Variants in ATP2A2 observed in about 807,000 individuals in gnomAD.
The protein encoded by ATP2A2 is ATPase sarcoplasmic/endoplasmic reticulum Ca2+ transporting 2.
A neutral mutation model predicts 109.3 loss-of-function variants in ATP2A2; 14 were observed. The ratio of observed to expected loss-of-function variants is 0.13; its 90% confidence interval spans 0.08 to 0.20. The LOEUF is 0.20. Among genes scored for constraint, ATP2A2 ranks in the 10% least tolerant of loss-of-function variants. The pLI is 1.00. For synonymous variants in ATP2A2, 506 were observed against 490.9 expected, an observed-to-expected ratio of 1.03 and a Z score of -0.41; for missense variants, 657 against 1,321.6, an observed-to-expected ratio of 0.50 and a Z score of 7.80.
Position 110,339,283 on chromosome 12 carries a change from C to T in ATP2A2, c.1422C>T (p.Val474=). The part of the protein sequence containing the change: ...KIERANACNS[V]IKQLMKKEFT... The stretch of plus-strand genomic sequence containing the variant: ...ATCCATATTTGTTCCCTTTGTAGGT[C>T]ATTAAACAGCTGATGAAAAAGGAAT... Residue 474 remains valine (V), a splice_region_variant and synonymous_variant, in exon 12 of 20, where the codon GTC becomes GTT. Transcript: ENST00000539276. This position sits in a 1 kb window ranked among gnomAD's most constrained non-coding sequence, Gnocchi z 4.4. The T allele has an allele frequency of 6.2e-7, 1 of 1,613,866 alleles. No individual in the cohort carries two copies. The highest frequency in any genetic ancestry group is 8.5e-7 in the Non-Finnish European group (1 of 1,180,012).
chr12:110,282,168 C>T (rs1052582167), intron 1 of ATP2A2, among the ~76,000 whole-genome samples: 1 of 152,192 alleles, frequency 6.6e-6, no homozygotes, highest in Non-Finnish European at 1.5e-5. Context: ...CAGCCGGCCC[C>T]GGTGGAGGGA....
rs529678607 is a variant in ATP2A2 at position 110,345,883 on chromosome 12, G to A, written c.2742-118G>A. 30 of 997,774 alleles carry A rather than the reference G, an allele frequency of 3.0e-5. No homozygotes were observed. The African/African-American group carries it at 4.3e-4, about 14-fold the overall frequency. 61.8% of individuals were successfully genotyped at this position (997,774 alleles called of 1,614,324 possible). A position where few individuals can be genotyped will look rare whatever the true frequency, so the allele number is the denominator to read the frequency against. ...CACTGTAGAAAGTGGAGGTAGGTCA[G>A]CGGATGGTGCCACATTAACAGCCGC... On this transcript the variant is annotated intron_variant, in intron 18 of 19. Transcript: ENST00000539276.
rs1346594520 is a variant in ATP2A2 at position 110,335,629 on chromosome 12, G to A, written c.1419+1486G>A. On this transcript the variant is annotated intron_variant, in intron 11 of 19. Transcript: ENST00000539276. ...AGAAGTGATATGCAGATAAGATGTT[G>A]CAATACACAAAGTCTGTGTGGGTCA... Among the ~76,000 whole-genome samples the A allele has an allele frequency of 5.9e-5, 9 of 152,264 alleles. No individual in the cohort carries two copies. The East Asian group carries it at 1.7e-3, about 29-fold the overall frequency.
At chr12:110,305,994 A>AT (rs1306332859) in intron 5 of ATP2A2, among the ~76,000 whole-genome samples, 5 of 151,810 alleles carry the variant, frequency 3.3e-5, no homozygotes, top group Admixed American at 6.6e-5. Context: ...AATTGGAATA[A>AT]TTTTTTGTAA....
rs1441093153 is a variant in ATP2A2, at chr12:110,281,776, G to C, written c.-14G>C. ...GCGGGGACGGGAGGCGAGGCCGGCC[G>C]GGCCCCCGAAGCCATGGAGAACGCG... On this transcript the variant is annotated 5_prime_UTR_variant, in exon 1 of 20. Transcript: ENST00000539276. 7.4e-6 allele frequency: 11 copies of C among 1,487,046 alleles called. No individual in the cohort carries two copies. Among genetic ancestry groups the C allele is most frequent in the Non-Finnish European group, 9.9e-6 (11 of 1,114,008 alleles). The allele number at this position is 1,487,046 out of a possible 1,614,324, so 92.1% of individuals were successfully genotyped here.
rs1878666643 is a variant in ATP2A2 at position 110,334,654 on chromosome 12, C to G, written c.1419+511C>G. On this transcript the variant is annotated intron_variant, in intron 11 of 19. Transcript: ENST00000539276. ...CCAGATTGGAGTGCCATGGCGCGAT[C>G]TTGGCTCACTGCAACCTCCACCTCC... Among the ~76,000 whole-genome samples, 4 of 138,016 alleles carry G rather than the reference C, an allele frequency of 2.9e-5. No individual in the cohort carries two copies. In the Admixed American group the frequency reaches 3.2e-4, roughly 11 times the overall value. The allele number at this position is 138,016 out of a possible 152,430, so 90.5% of individuals were successfully genotyped here.
rs115359216 is a variant in ATP2A2 at position 110,300,440 on chromosome 12, C to T, written c.463+3703C>T. On this transcript the variant is annotated intron_variant, in intron 5 of 19. Transcript: ENST00000539276. ...CACGATTGCGGCCCACTGCAAGCTT[C>T]GCCTCCCAGGTTTACGCCATTCTCC... Among the ~76,000 whole-genome samples, 853 of 146,278 alleles carry T rather than the reference C, an allele frequency of 5.8e-3. 3 individuals are homozygous for T. The highest frequency in any genetic ancestry group is 0.021 in the African/African-American group (807 of 39,196).
In ATP2A2 at chr12:110,281,602, G is replaced by A. The variant is rs1285836989; in HGVS notation, c.-188G>A. 3 of 370,722 alleles carry A rather than the reference G, an allele frequency of 8.1e-6. No homozygotes were observed. The East Asian group carries it at 1.4e-4, about 18-fold the overall frequency. 23.0% of individuals were successfully genotyped at this position (370,722 alleles called of 1,614,324 possible). A position where few individuals can be genotyped will look rare whatever the true frequency, so the allele number is the denominator to read the frequency against. On this transcript the variant is annotated 5_prime_UTR_variant, in exon 1 of 20. Coordinates refer to ENST00000539276, the MANE Select transcript of ATP2A2 (RefSeq NM_170665.4). The stretch of plus-strand genomic sequence containing the variant: ...TGCGGAGCTCGGGGCCGCGCGAGGG[G>A]CGGTTGTCTGGGGGAGGGGGCGCGG...
intron 5 of ATP2A2, among the ~76,000 whole-genome samples, chr12:110,314,366 T>G (rs1035266855): frequency 2.0e-5 from 3 of 149,616 alleles, no homozygotes; most frequent in African/African-American, 7.4e-5. Context: ...AACAAAGGGC[T>G]TGGCATTATC....
At chr12:110,305,003 G>A (rs748996958) in intron 5 of ATP2A2, among the ~76,000 whole-genome samples, 2 of 151,748 alleles carry the variant, frequency 1.3e-5, no homozygotes, top group African/African-American at 2.4e-5. Flanking sequence ...GCATGATCTC[G>A]GCTCAGTGCA....
chr12:110,350,340 T>C lies in ATP2A2; in HGVS notation c.*3870T>C. ...AAACCATTTTGCAGAAATGTAAGGG[T>C]GTTCGGTTGCGTGCATGTGCGTTTT... On this transcript the variant is annotated 3_prime_UTR_variant, in exon 20 of 20. Transcript: ENST00000539276. The C allele has an allele frequency of 6.2e-7, 1 of 1,614,090 alleles. No homozygotes were observed. The highest frequency in any genetic ancestry group is 8.5e-7 in the Non-Finnish European group (1 of 1,180,026).
chr12:110,282,826 CCCAAAAGCTGAAAGTATT>C, intron 3 of ATP2A2, 31 bp downstream of exon 3: 1 of 1,554,144 alleles, frequency 6.4e-7, no homozygotes, highest in South Asian at 1.1e-5. Flanking sequence ...TTTCTTTCCC[CCCAAAAGCTGAAAGTATT>C]CCATAGATAA....
intron 3 of ATP2A2, among the ~76,000 whole-genome samples, chr12:110,286,921 T>C (rs946628193): frequency 6.6e-6 from 1 of 152,208 alleles, no homozygotes; most frequent in Non-Finnish European, 1.5e-5. Context: ...TCTCCCAGTT[T>C]ACAGCAGAAC....
intron 16 of ATP2A2, 80 bp from the exon 17 acceptor site, chr12:110,344,806 G>A: frequency 7.3e-7 from 1 of 1,368,222 alleles, no homozygotes; most frequent in Non-Finnish European, 1.0e-6. Context: ...CTTCGTCCTT[G>A]TGGGGACTGG....
At chr12:110,341,634 A>G (rs368502508) in intron 14 of ATP2A2, among the ~76,000 whole-genome samples, 68 of 152,240 alleles carry the variant, frequency 4.5e-4, no homozygotes, top group African/African-American at 1.6e-3. Context: ...AACACTTGGG[A>G]GGCCGAGGCA....
At position 110,333,302 on chromosome 12, in the gene ATP2A2, TAGAA is replaced by T. The variant is rs1362697617; in HGVS notation, c.1287+20_1287+23del. 1.9e-6 allele frequency: 3 copies of T among 1,582,394 alleles called. No individual in the cohort carries two copies. The African/African-American group carries it at 4.0e-5, about 21-fold the overall frequency. On this transcript the variant is annotated intron_variant, in intron 10 of 19. Coordinates refer to ENST00000539276, the MANE Select transcript of ATP2A2 (RefSeq NM_170665.4). ...CAATGAGGTAAGTCTCTTCATAAATTAGAAGGAATGGCTGTTCCTAGTTCAAGGG... is the reference window on the plus strand; with the variant it reads ...CAATGAGGTAAGTCTCTTCATAAATTGGAATGGCTGTTCCTAGTTCAAGGG...
Position 110,309,140 on chromosome 12 carries a change from A to ATTTTTTTTTTTTTTTTTTTT in ATP2A2, c.463+12419_463+12438dup, listed in dbSNP as rs10665212. ...ATGGAGAGAGAGTTTAAGGAAACTA[A>ATTTTTTTTTTTTTTTTTTTT]TTTTTTTTTTTTTTTTTTTTTTTTT... is the stretch of plus-strand genomic sequence containing the variant. On this transcript the variant is annotated intron_variant, in intron 5 of 19. Transcript: ENST00000539276. Among the ~76,000 whole-genome samples the ATTTTTTTTTTTTTTTTTTTT allele has an allele frequency of 3.3e-4, 16 of 48,902 alleles. 3 individuals carry two copies. Among genetic ancestry groups the ATTTTTTTTTTTTTTTTTTTT allele is most frequent in the Non-Finnish European group, 4.6e-4 (13 of 28,426 alleles). 32.1% of individuals were successfully genotyped at this position (48,902 alleles called of 152,430 possible). A position where few individuals can be genotyped will look rare whatever the true frequency, so the allele number is the denominator to read the frequency against.
chr12:110,309,584 T>C (rs1054300601), intron 5 of ATP2A2, among the ~76,000 whole-genome samples: 3 of 152,070 alleles, frequency 2.0e-5, no homozygotes, highest in African/African-American at 7.2e-5. Context: ...GAAATTGATA[T>C]GGCAAATAAA....
At chr12:110,313,486 G>A (rs1215419742) in intron 5 of ATP2A2, among the ~76,000 whole-genome samples, 3 of 151,142 alleles carry the variant, frequency 2.0e-5, no homozygotes, top group African/African-American at 4.9e-5. Context: ...CTAATTTTTT[G>A]TATATTTTAG....
Sources: allele counts gnomAD v4.1 joint callset (sites outside exome capture counted in the v4.1 genomes callset), GRCh38; gene constraint gnomAD v4.1.1; non-coding constraint Gnocchi (gnomAD v3.1); transcripts MANE v1.5; gene names NCBI Gene and HGNC (gene_info 2026-07-23, HGNC 2026-07-21).